CTNND2: variants seen among roughly 807,000 people sequenced by gnomAD.
CTNND2 encodes catenin delta 2.
CTNND2 carries 22 observed loss-of-function variants against 144.4 expected under a neutral mutation model. The observed-to-expected ratio is 0.15, with a 90% CI of 0.11 to 0.22. CTNND2 has a LOEUF of 0.22. Ranked by LOEUF, CTNND2 falls within the 10% of genes least tolerant of loss-of-function variation. The pLI, the probability that CTNND2 is intolerant of heterozygous loss-of-function variation, is 1.00. For synonymous variants in CTNND2, 751 were observed against 695.6 expected (o/e 1.08, Z -1.25); for missense variants, 1,353 against 1,618.8 (o/e 0.84, Z 2.82).
At chr5:11,751,824 C>T (rs1448793311) in intron 1 of CTNND2, among the ~76,000 whole-genome samples, 3 of 151,852 alleles carry the variant, frequency 2.0e-5, no homozygotes, top group Admixed American at 6.6e-5. Context: ...AATTTTCATC[C>T]CAACAAGCAG....
intron 10 of CTNND2, among the ~76,000 whole-genome samples, chr5:11,212,032 T>C (rs1470196830): frequency 1.3e-5 from 2 of 152,224 alleles, no homozygotes; most frequent in African/African-American, 2.4e-5. Context: ...ATGTATTACA[T>C]GATGGAAAGT....
intron 1 of CTNND2, among the ~76,000 whole-genome samples, chr5:11,805,238 T>C (rs894087377): frequency 2.0e-5 from 3 of 152,124 alleles, no homozygotes; most frequent in Non-Finnish European, 2.9e-5. Flanking sequence ...TGAACTGATA[T>C]ATAGCTTTGT....
At chr5:11,869,670 T>C (rs1582036340) in intron 1 of CTNND2, among the ~76,000 whole-genome samples, 1 of 152,230 alleles carries the variant, frequency 6.6e-6, no homozygotes, top group East Asian at 1.9e-4. Context: ...CACAGCATCA[T>C]CAGTGTATAT....
chr5:11,697,141 A>G (rs987774815), intron 2 of CTNND2, among the ~76,000 whole-genome samples: 2 of 152,212 alleles, frequency 1.3e-5, no homozygotes, highest in African/African-American at 4.8e-5. Context: ...GCCAGAATAA[A>G]TATGTAAATG....
chr5:11,888,381 G>A (rs1021955009), intron 1 of CTNND2, among the ~76,000 whole-genome samples: 6 of 152,144 alleles, frequency 3.9e-5, no homozygotes, highest in South Asian at 2.1e-4. Context: ...CAGGGCCAAC[G>A]TACTAGCCTG....
At chr5:11,559,085 C>G (rs879510514) in intron 3 of CTNND2, among the ~76,000 whole-genome samples, 5 of 152,094 alleles carry the variant, frequency 3.3e-5, no homozygotes, top group Non-Finnish European at 7.4e-5. Flanking sequence ...AACATTTTTC[C>G]TATATTTTCA....
rs1298147013 is a variant in CTNND2 at position 11,795,706 on chromosome 5, T to C, written c.38-63434A>G. ...GACAAAGATTTCTTGGGAAGGAGAA[T>C]ATGGTATCTTAAAATCCAAAATGTT... On this transcript the variant is annotated intron_variant, in intron 1 of 21. Coordinates refer to ENST00000304623, the MANE Select transcript of CTNND2 (RefSeq NM_001332.4). Among the ~76,000 whole-genome samples the C allele has an allele frequency of 2.0e-5, 3 of 152,196 alleles. No individual in the cohort carries two copies. The East Asian group carries it at 5.8e-4, about 29-fold the overall frequency.
chr5:11,105,438 C>T (rs1752328970), intron 14 of CTNND2, among the ~76,000 whole-genome samples: 1 of 152,178 alleles, frequency 6.6e-6, no homozygotes, highest in African/African-American at 2.4e-5. Context: ...GGGTAGAGTC[C>T]AGGGAGGCTG....
intron 2 of CTNND2, among the ~76,000 whole-genome samples, chr5:11,587,471 A>G (rs1040635287): frequency 6.6e-5 from 10 of 152,010 alleles, no homozygotes; most frequent in Non-Finnish European, 1.2e-4. Flanking sequence ...CAGTTTCTTT[A>G]AAATAAAAAT....
chr5:11,274,503 T>C (rs1211120769), intron 9 of CTNND2, among the ~76,000 whole-genome samples: 2 of 151,454 alleles, frequency 1.3e-5, no homozygotes, highest in Non-Finnish European at 2.9e-5. Context: ...CAATATCACA[T>C]TGAAAACACA....
chr5:11,694,031 CAT>C (rs1785028244), intron 2 of CTNND2, among the ~76,000 whole-genome samples: 2 of 152,316 alleles, frequency 1.3e-5, no homozygotes, highest in East Asian at 3.9e-4. Context: ...TTATTGAACA[CAT>C]ATATTTTCTC....
At chr5:11,382,595 C>CTGTGTGTGTGTGTGTGTGTGTGTGTGTG (rs71582432) in intron 7 of CTNND2, among the ~76,000 whole-genome samples, 1 of 130,148 alleles carries the variant, frequency 7.7e-6, no homozygotes, top group African/African-American at 3.0e-5. Context: ...GAGTGAGACT[C>CTGTGTGTGTGTGTGTGTGTGTGTGTGTG]TGTGTGTGTG....
intron 3 of CTNND2, among the ~76,000 whole-genome samples, chr5:11,545,492 C>G (rs1356135752): frequency 6.6e-6 from 1 of 150,824 alleles, no homozygotes; most frequent in Non-Finnish European, 1.5e-5. Flanking sequence ...CACACCCTGT[C>G]TCTACTAAAA....
chr5:11,284,437 C>G (rs993448690), intron 9 of CTNND2, among the ~76,000 whole-genome samples: 1 of 152,098 alleles, frequency 6.6e-6, no homozygotes, highest in South Asian at 2.1e-4. Context: ...GGACAGGACC[C>G]AGTGTGTGTT....
chr5:11,614,720 C>T (rs982816628), intron 2 of CTNND2, among the ~76,000 whole-genome samples: 2 of 152,148 alleles, frequency 1.3e-5, no homozygotes, highest in African/African-American at 2.4e-5. Context: ...CAGTGGAGCA[C>T]AGCATACAGG....
At chr5:11,820,389 C>T (rs61761636) in intron 1 of CTNND2, among the ~76,000 whole-genome samples, 1 of 152,098 alleles carries the variant, frequency 6.6e-6, no homozygotes, top group Non-Finnish European at 1.5e-5. Context: ...CCGGGGAACA[C>T]GACTGGAGGT....
At chr5:11,733,175 G>A (rs1022479435) in intron 1 of CTNND2, among the ~76,000 whole-genome samples, 1 of 152,262 alleles carries the variant, frequency 6.6e-6, no homozygotes, top group South Asian at 2.1e-4. Context: ...ATCCAACCCA[G>A]GGACTGTGGG....
chr5:11,143,549 A>G (rs561486701), intron 12 of CTNND2, among the ~76,000 whole-genome samples: 3 of 152,102 alleles, frequency 2.0e-5, no homozygotes, highest in Non-Finnish European at 4.4e-5. Flanking sequence ...TTTGTGTCCA[A>G]ATTTCCCATT....
rs555739222 is a variant in CTNND2 at position 11,461,021 on chromosome 5, C to T, written c.288-48952G>A. Among the ~76,000 whole-genome samples, 9 of 151,700 alleles carry T rather than the reference C, an allele frequency of 5.9e-5. No individual in the cohort carries two copies. The East Asian group carries it at 1.2e-3, about 20-fold the overall frequency. On this transcript the variant is annotated intron_variant, in intron 3 of 21. Coordinates refer to ENST00000304623, the MANE Select transcript of CTNND2 (RefSeq NM_001332.4). ...CCGAGATCATGCCACTGCATTCTGGCGACAGAGCGAGACTCTGGAAAAAAA... is the reference window on the plus strand; with the variant it reads ...CCGAGATCATGCCACTGCATTCTGGTGACAGAGCGAGACTCTGGAAAAAAA...
Sources: allele counts gnomAD v4.1 joint callset (sites outside exome capture counted in the v4.1 genomes callset), GRCh38; gene constraint gnomAD v4.1.1; transcripts MANE v1.5; gene names NCBI Gene and HGNC (gene_info 2026-07-23, HGNC 2026-07-21).